Variants in UNKL observed in about 807,000 individuals in gnomAD.
UNKL encodes unk like zinc finger, also known as putative E3 ubiquitin-protein ligase UNKL.
A neutral mutation model predicts 78.0 loss-of-function variants in UNKL; 60 were observed. The ratio of observed to expected loss-of-function variants is 0.77; its 90% confidence interval spans 0.63 to 0.95. The LOEUF (loss-of-function observed/expected upper bound fraction) is 0.95, where lower values mean the gene tolerates loss of function less well. Ranked by LOEUF, UNKL falls within the 40% of genes least tolerant of loss-of-function variation. UNKL has a pLI of 0.00. For missense variants in UNKL, 1,159 were observed against 1,045.7 expected (o/e 1.11, Z -1.49); for synonymous variants, 608 against 474.8 (o/e 1.28, Z -3.65).
chr16:1,376,299 C>A (rs1455933219), intron 10 of UNKL, among the ~76,000 whole-genome samples: 1 of 145,614 alleles, frequency 6.9e-6, no homozygotes, highest in Admixed American at 6.8e-5. Context: ...CCTCCACTCT[C>A]CCTCCTCCCT....
chr16:1,384,580 C>A (rs1382364388), intron 10 of UNKL, among the ~76,000 whole-genome samples: 1 of 152,068 alleles, frequency 6.6e-6, no homozygotes, highest in African/African-American at 2.4e-5. Context: ...CCCTCAGTGC[C>A]CTCACTGGCC....
In UNKL at chr16:1,403,843, G is replaced by A. The variant is rs1179752932; in HGVS notation, c.288-499C>T. ...AGGGAACAAGCACAGGGCCCTGGAC[G>A]CGGCTTGGGGGACACGAGGGGGATG... On this transcript the variant is annotated intron_variant, in intron 2 of 14. Transcript: ENST00000389221. This position sits in a 1 kb window ranked among gnomAD's most constrained non-coding sequence, Gnocchi z 4.8. Among the ~76,000 whole-genome samples, 1 of 152,122 alleles carries A rather than the reference G, an allele frequency of 6.6e-6. No homozygotes were observed. Among genetic ancestry groups the A allele is most frequent in the Non-Finnish European group, 1.5e-5 (1 of 68,024 alleles).
At chr16:1,371,031 G>T (rs891757806) in intron 11 of UNKL, among the ~76,000 whole-genome samples, 4 of 150,330 alleles carry the variant, frequency 2.7e-5, no homozygotes, top group Non-Finnish European at 5.9e-5. Flanking sequence ...TGCAGTGAGC[G>T]GAGATCGCGC....
At chr16:1,401,523 G>GGCCCCCCCCCCCC in intron 4 of UNKL, 45 bp downstream of exon 4, 2 of 1,470,344 alleles carry the variant, frequency 1.4e-6, no homozygotes, top group Non-Finnish European at 1.8e-6. Context: ...CTCGCGCTGT[G>GGCCCCCCCCCCCC]CCCGCCCCCC....
At chr16:1,383,075 T>C (rs1007295700) in intron 10 of UNKL, among the ~76,000 whole-genome samples, 1 of 136,848 alleles carries the variant, frequency 7.3e-6, no homozygotes, top group Non-Finnish European at 1.5e-5. Flanking sequence ...CTGGCCAATA[T>C]GGTAAAACCC....
At chr16:1,391,158 AATACACAC>A in intron 8 of UNKL, among the ~76,000 whole-genome samples, 1 of 91,850 alleles carries the variant, frequency 1.1e-5, no homozygotes, top group South Asian at 4.8e-4. Context: ...TCCAAAAAAA[AATACACAC>A]ACACACACAC....
chr16:1,379,673 G>A, intron 10 of UNKL: 1 of 984,286 alleles, frequency 1.0e-6, no homozygotes, highest in Non-Finnish European at 1.2e-6. Context: ...CGCCGCCGCC[G>A]GGGATTCAAA....
At position 1,363,484 on chromosome 16, in the gene UNKL, C is replaced by T. The variant is rs574237114; in HGVS notation, c.*2756G>A. The T allele has an allele frequency of 2.2e-5, 7 of 317,234 alleles. No homozygotes were observed. The highest frequency in any genetic ancestry group is 8.8e-5 in the East Asian group (1 of 11,396). 19.7% of individuals were successfully genotyped at this position (317,234 alleles called of 1,614,324 possible). ...AAGGTCTGCTGACCACAGTTACACACGTCGTGACACCACTGTATCACGGCG... is the reference window on the plus strand; with the variant it reads ...AAGGTCTGCTGACCACAGTTACACATGTCGTGACACCACTGTATCACGGCG... On this transcript the variant is annotated 3_prime_UTR_variant, in exon 15 of 15. Coordinates refer to ENST00000389221, the MANE Select transcript of UNKL (RefSeq NM_001372107.1).
At chr16:1,371,979 G>A (rs962154036) in intron 10 of UNKL, among the ~76,000 whole-genome samples, 7 of 152,148 alleles carry the variant, frequency 4.6e-5, no homozygotes, top group African/African-American at 9.7e-5. Context: ...TTCCAGGGCC[G>A]GGTGCGGTGG....
chr16:1,413,668 G>A (rs370900405), intron 2 of UNKL, among the ~76,000 whole-genome samples, 178 bp downstream of exon 2: 1 of 152,240 alleles, frequency 6.6e-6, no homozygotes, highest in Non-Finnish European at 1.5e-5. Flanking sequence ...ACTGGCCTGA[G>A]AATAGGAAAT....
chr16:1,414,584 GC>G, intron 1 of UNKL, 30 bp downstream of exon 1: 1 of 996,522 alleles, frequency 1.0e-6, no homozygotes, highest in Non-Finnish European at 1.2e-6. Flanking sequence ...CCGGGCGCGG[GC>G]GGGGGGCCGC....
In UNKL at chr16:1,392,338, C is replaced by A. The variant is rs546882221; in HGVS notation, c.1023+553G>T. Among the ~76,000 whole-genome samples, 304 of 152,250 alleles carry A rather than the reference C, an allele frequency of 2.0e-3. 2 individuals are homozygous for A. Among genetic ancestry groups the A allele is most frequent in the Admixed American group, 3.3e-3 (51 of 15,284 alleles). On this transcript the variant is annotated intron_variant, in intron 8 of 14. Transcript: ENST00000389221. Reference sequence around the variant, plus strand: ...CTCTCCACACCAGGAGGAGAGACTGCAGATTGAGGCTGCATAACCAACCTC... The same window carrying A: ...CTCTCCACACCAGGAGGAGAGACTGAAGATTGAGGCTGCATAACCAACCTC...
At chr16:1,370,030 C>A in intron 12 of UNKL, 100 bp downstream of exon 12, 3 of 1,551,160 alleles carry the variant, frequency 1.9e-6, no homozygotes, top group South Asian at 1.2e-5. Flanking sequence ...ACAGATAGGG[C>A]ACAAGGTTCC....
chr16:1,381,987 C>T (rs1459726671), intron 10 of UNKL, among the ~76,000 whole-genome samples: 3 of 152,156 alleles, frequency 2.0e-5, no homozygotes, highest in Non-Finnish European at 4.4e-5. Flanking sequence ...TCAGGGAAGG[C>T]CGTCACCTGT....
Position 1,399,622 on chromosome 16 carries a change from G to T in UNKL, c.599-113C>A, listed in dbSNP as rs140321695. 1.4e-6 allele frequency: 2 copies of T among 1,477,774 alleles called. No homozygotes were observed. The highest frequency in any genetic ancestry group is 2.8e-5 in the African/African-American group (2 of 71,138). 91.5% of individuals were successfully genotyped at this position (1,477,774 alleles called of 1,614,324 possible). ...CCCCAAATGGAAGGGGCTGCAGGAGGACTTGGGGAGCGCAGACACACGCCA... is the reference window on the plus strand; with the variant it reads ...CCCCAAATGGAAGGGGCTGCAGGAGTACTTGGGGAGCGCAGACACACGCCA... On this transcript the variant is annotated intron_variant, in intron 4 of 14. Coordinates refer to ENST00000389221, the MANE Select transcript of UNKL (RefSeq NM_001372107.1). The surrounding 1 kb of genome is among the most constrained non-coding windows in gnomAD (Gnocchi z 5.8).
chr16:1,390,388 G>A (rs549305072), intron 9 of UNKL, among the ~76,000 whole-genome samples: 12 of 152,346 alleles, frequency 7.9e-5, no homozygotes, highest in African/African-American at 2.9e-4. Context: ...CGAGCACGAT[G>A]TTGTGGCTTT....
chr16:1,414,585 C>A, intron 1 of UNKL, 30 bp downstream of exon 1: 1 of 991,974 alleles, frequency 1.0e-6, no homozygotes, highest in Non-Finnish European at 1.2e-6. Flanking sequence ...CGGGCGCGGG[C>A]GGGGGGCCGC....
chr16:1,412,495 C>T (rs529617522), intron 2 of UNKL, among the ~76,000 whole-genome samples: 12 of 152,260 alleles, frequency 7.9e-5, no homozygotes, highest in African/African-American at 2.9e-4. Flanking sequence ...GCCTGTAATC[C>T]CAGCTATTCA....
At chr16:1,381,030 A>C (rs1415706880) in intron 10 of UNKL, among the ~76,000 whole-genome samples, 1 of 151,898 alleles carries the variant, frequency 6.6e-6, no homozygotes, top group Non-Finnish European at 1.5e-5. Context: ...GTGACATACT[A>C]AAACAGGTCA....
Sources: gnomAD v4.1 joint callset for allele counts (sites outside exome capture counted in the v4.1 genomes callset) on GRCh38, gnomAD v4.1.1 for gene constraint, Gnocchi (gnomAD v3.1) non-coding constraint, MANE v1.5 for transcripts, NCBI Gene and HGNC (gene_info 2026-07-23, HGNC 2026-07-21) for gene names.